BMP5: variants seen among roughly 807,000 people sequenced by gnomAD.
BMP5 encodes the protein bone morphogenetic protein 5.
BMP5 carries 23 observed loss-of-function variants against 46.6 expected under a neutral mutation model. The ratio of observed to expected loss-of-function variants is 0.49; its 90% CI spans 0.35 to 0.70. The LOEUF (loss-of-function observed/expected upper bound fraction) is 0.70. Ranked by LOEUF, BMP5 falls within the 30% of genes least tolerant of loss-of-function variation. The probability of loss-of-function intolerance (pLI) is 0.00; values close to 1 mark genes in which losing one functional copy is unlikely to be tolerated. For missense variants in BMP5, 545 were observed against 565.6 expected (o/e 0.96, Z 0.37); for synonymous variants, 204 against 191.9 (o/e 1.06, Z -0.52).
At position 55,874,628 on chromosome 6, in the gene BMP5, A is replaced by G; in HGVS notation, c.238T>C (p.Phe80Leu). The change falls in exon 1 of 7, where the codon TTT becomes CTT. Residue 80 changes from phenylalanine to leucine, a missense_variant. Transcript: ENST00000370830. ...PGKQASSAPL[F>L]MLDLYNAMTN... Reference sequence around the variant, plus strand: ...ATGGCATTGTAGAGATCCAGCATAAAGAGAGGTGCAGAGGACGCTTGTTTT... The same window carrying G: ...ATGGCATTGTAGAGATCCAGCATAAGGAGAGGTGCAGAGGACGCTTGTTTT... The G allele has an allele frequency of 6.2e-7, 1 of 1,613,564 alleles. No homozygotes were observed. Among genetic ancestry groups the G allele is most frequent in the South Asian group, 1.1e-5 (1 of 91,064 alleles).
intron 1 of BMP5, among the ~76,000 whole-genome samples, chr6:55,838,966 A>G (rs1305228744): frequency 6.6e-6 from 1 of 152,190 alleles, no homozygotes; most frequent in Non-Finnish European, 1.5e-5. Flanking sequence ...TAATTGGATG[A>G]GTTTGAATAG....
rs5876469 is a variant in BMP5 at position 55,853,342 on chromosome 6, T to TTCTC, written c.490+21030_490+21033dup. Among the ~76,000 whole-genome samples, 150 of 129,358 alleles carry TTCTC rather than the reference T, an allele frequency of 1.2e-3. 1 individual carries two copies. Among genetic ancestry groups the TTCTC allele is most frequent in the African/African-American group, 2.6e-3 (93 of 35,306 alleles). The allele number at this position is 129,358 out of a possible 152,430, so 84.9% of individuals were successfully genotyped here. A position where few individuals can be genotyped will look rare whatever the true frequency, so the allele number is the denominator to read the frequency against. On this transcript the variant is annotated intron_variant, in intron 1 of 6. Coordinates refer to ENST00000370830, the MANE Select transcript of BMP5 (RefSeq NM_021073.4). The stretch of plus-strand genomic sequence containing the variant: ...TCTCTCCCCCTCCCCCTCCCCCGCT[T>TTCTC]TCTCTCTCTCTCTCTCTCTCTGACT...
intron 1 of BMP5, among the ~76,000 whole-genome samples, chr6:55,859,007 G>T (rs1262225502): frequency 2.0e-5 from 3 of 152,162 alleles, no homozygotes; most frequent in African/African-American, 7.2e-5. Flanking sequence ...TAGGATAAAT[G>T]CATGCGGGGC....
At chr6:55,874,288 CAT>C (rs1777849433) in intron 1 of BMP5, 86 bp downstream of exon 1, 1 of 1,558,798 alleles carries the variant, frequency 6.4e-7, no homozygotes, top group African/African-American at 1.4e-5. Context: ...TTTATATAAA[CAT>C]GACCACCTAC....
intron 4 of BMP5, among the ~76,000 whole-genome samples, chr6:55,773,325 G>T (rs1168676819): frequency 6.6e-6 from 1 of 151,878 alleles, no homozygotes; most frequent in Admixed American, 6.6e-5. Flanking sequence ...CTTACTGTTT[G>T]CATCCTGGAC....
chr6:55,812,223 A>G (rs1776153211), intron 2 of BMP5, among the ~76,000 whole-genome samples: 1 of 152,244 alleles, frequency 6.6e-6, no homozygotes. Flanking sequence ...CTTTTTACCA[A>G]GTAAAATATA....
intron 1 of BMP5, among the ~76,000 whole-genome samples, chr6:55,857,358 G>A (rs372840132): frequency 1.3e-5 from 2 of 152,280 alleles, no homozygotes; most frequent in African/African-American, 4.8e-5. Flanking sequence ...TTGATAAGAT[G>A]ATAAATATGT....
In BMP5 at chr6:55,874,794, A is replaced by G. The variant is rs750154705; in HGVS notation, c.72T>C (p.Tyr24=). The G allele has an allele frequency of 6.2e-7, 1 of 1,613,490 alleles. No homozygotes were observed. The highest frequency in any genetic ancestry group is 1.1e-5 in the South Asian group (1 of 91,076). The change falls in exon 1 of 7, where the codon TAT becomes TAC. Residue 24 remains tyrosine, a synonymous_variant. Transcript: ENST00000370830. ...FLWSCWVLVG[Y]AKGGLGDNHV... is the part of the protein sequence containing the mutation. ...GATTGTCTCCCAAACCTCCTTTTGC[A>G]TAACCCACTAGAACCCAGCAGCTCC...
intron 5 of BMP5, among the ~76,000 whole-genome samples, 191 bp from the exon 6 acceptor site, chr6:55,759,306 C>A (rs1364269415): frequency 1.3e-5 from 2 of 151,234 alleles, no homozygotes; most frequent in South Asian, 4.2e-4. Context: ...ATTATCTTCC[C>A]CACACCCTTT....
intron 1 of BMP5, among the ~76,000 whole-genome samples, chr6:55,838,603 C>T (rs1331190535): frequency 1.3e-5 from 2 of 152,074 alleles, no homozygotes; most frequent in Non-Finnish European, 2.9e-5. Context: ...TGTCTCTTCA[C>T]TTTGTCGATT....
At chr6:55,820,421 A>T (rs1168620193) in intron 1 of BMP5, among the ~76,000 whole-genome samples, 1 of 143,080 alleles carries the variant, frequency 7.0e-6, no homozygotes, top group Non-Finnish European at 1.6e-5. Context: ...TTTCTTAAAA[A>T]CATTTTTTTT....
At chr6:55,827,449 T>G (rs1479314700) in intron 1 of BMP5, among the ~76,000 whole-genome samples, 1 of 151,800 alleles carries the variant, frequency 6.6e-6, no homozygotes, top group Non-Finnish European at 1.5e-5. Flanking sequence ...TAGTTGTATT[T>G]ACTTGACATC....
intron 6 of BMP5, among the ~76,000 whole-genome samples, chr6:55,757,472 T>G (rs1198573554): frequency 6.6e-6 from 1 of 152,022 alleles, no homozygotes; most frequent in African/African-American, 2.4e-5. Context: ...CAACATGAAT[T>G]CTCATATACA....
intron 1 of BMP5, among the ~76,000 whole-genome samples, chr6:55,873,982 A>T (rs1477709679): frequency 6.6e-6 from 1 of 151,928 alleles, no homozygotes; most frequent in Non-Finnish European, 1.5e-5. Flanking sequence ...TGTGCTTTAA[A>T]TCACTTAAAA....
At chr6:55,873,705 G>A (rs1489965512) in intron 1 of BMP5, among the ~76,000 whole-genome samples, 1 of 151,726 alleles carries the variant, frequency 6.6e-6, no homozygotes. Context: ...TATAGATAAA[G>A]ACCACTAAAG....
At position 55,794,415 on chromosome 6, in the gene BMP5, C is replaced by G; in HGVS notation, c.696G>C (p.Leu232=). 1 of 1,613,820 alleles carries G rather than the reference C, an allele frequency of 6.2e-7. No individual in the cohort carries two copies. Among genetic ancestry groups the G allele is most frequent in the East Asian group, 2.2e-5 (1 of 44,862 alleles). ...GGGCCTTTCTTGTGTCTAACAAGAA[C>G]AGATCTGCATCCCTAAAAAGAAAAG... ...IKEYTNRDAD[L]FLLDTRKAQA... is the part of the protein sequence containing the mutation. The change falls in exon 3 of 7, where the codon CTG becomes CTC. Residue 232 remains leucine (L), a synonymous_variant. Coordinates refer to ENST00000370830, the MANE Select transcript of BMP5 (RefSeq NM_021073.4).
chr6:55,772,366 C>T (rs1775066954), intron 4 of BMP5, among the ~76,000 whole-genome samples: 1 of 151,870 alleles, frequency 6.6e-6, no homozygotes, highest in Non-Finnish European at 1.5e-5. Flanking sequence ...CTGCCAGAGT[C>T]ATTATGAGCT....
intron 1 of BMP5, among the ~76,000 whole-genome samples, chr6:55,829,910 T>C (rs1776625952): frequency 6.6e-6 from 1 of 152,016 alleles, no homozygotes; most frequent in Non-Finnish European, 1.5e-5. Context: ...AAATCTTTGG[T>C]AACATATTTA....
intron 1 of BMP5, among the ~76,000 whole-genome samples, chr6:55,851,123 T>A (rs1001072449): frequency 2.3e-4 from 29 of 124,776 alleles, no homozygotes; most frequent in African/African-American, 9.3e-4. Flanking sequence ...TTTGTTTTGT[T>A]TTGTTTTGTT....
Sources: gnomAD v4.1 joint callset for allele counts (sites outside exome capture counted in the v4.1 genomes callset) on GRCh38, gnomAD v4.1.1 for gene constraint, MANE v1.5 for transcripts, NCBI Gene and HGNC (gene_info 2026-07-23, HGNC 2026-07-21) for gene names.